Variants in TAFA2 observed in about 807,000 individuals in gnomAD.
The protein encoded by TAFA2 is TAFA chemokine like family member 2, also known as chemokine-like protein TAFA-2.
A neutral mutation model predicts 18.8 loss-of-function variants in TAFA2; 7 were observed. The observed-to-expected ratio is 0.37, with a 90% CI of 0.21 to 0.70. TAFA2 has a LOEUF of 0.70. Among genes scored for constraint, TAFA2 ranks in the 30% least tolerant of loss-of-function variants. The pLI is 0.53. For synonymous variants in TAFA2, 60 were observed against 54.2 expected (o/e 1.11, Z -0.47); for missense variants, 122 against 158.1 (o/e 0.77, Z 1.23).
intron 1 of TAFA2, among the ~76,000 whole-genome samples, chr12:61,997,768 G>C (rs1880247615): frequency 6.6e-6 from 1 of 151,848 alleles, no homozygotes; most frequent in Admixed American, 6.6e-5. Flanking sequence ...AAAAAGTGGA[G>C]GGACCTGTTA....
chr12:61,957,954 T>C (rs1440726), intron 1 of TAFA2, among the ~76,000 whole-genome samples: 342 of 152,188 alleles, frequency 2.2e-3, no homozygotes, highest in African/African-American at 7.0e-3. Flanking sequence ...TGTGGAGCCA[T>C]TGACACAACC....
rs892557812 is a variant in TAFA2 at position 61,955,271 on chromosome 12, T to C, written c.-1-87845A>G. ...AAAACTAAAGCACCATATTATCCTG[T>C]TTACCTTCACAGAATAGGTGCTAGA... On this transcript the variant is annotated intron_variant, in intron 1 of 4. Coordinates refer to ENST00000416284, the MANE Select transcript of TAFA2 (RefSeq NM_178539.5). Among the ~76,000 whole-genome samples, 10 of 152,086 alleles carry C rather than the reference T, an allele frequency of 6.6e-5. No homozygotes were observed. The East Asian group carries it at 1.7e-3, about 27-fold the overall frequency.
At chr12:61,927,069 G>GAAAAAAAAAAAAAAAAAAA (rs56908081) in intron 1 of TAFA2, among the ~76,000 whole-genome samples, 2 of 69,908 alleles carry the variant, frequency 2.9e-5, no homozygotes, top group Non-Finnish European at 5.2e-5. Context: ...GTGAGACTCT[G>GAAAAAAAAAAAAAAAAAAA]AAAAAAAAAA....
At chr12:61,976,717 C>T (rs1283276922) in intron 1 of TAFA2, among the ~76,000 whole-genome samples, 1 of 151,926 alleles carries the variant, frequency 6.6e-6, no homozygotes, top group Admixed American at 6.6e-5. Flanking sequence ...TGTGATGTTC[C>T]CTACCCTCTG....
chr12:61,709,031 T>C lies in TAFA2; in HGVS notation c.*1375A>G, dbSNP rs1432483023. 3.3e-5 allele frequency: 5 copies of C among 152,586 alleles called. No individual in the cohort carries two copies. Among genetic ancestry groups the C allele is most frequent in the Admixed American group, 1.3e-4 (2 of 15,242 alleles). 9.5% of individuals were successfully genotyped at this position (152,586 alleles called of 1,614,324 possible). A position where few individuals can be genotyped will look rare whatever the true frequency, so the allele number is the denominator to read the frequency against. On this transcript the variant is annotated 3_prime_UTR_variant, in exon 5 of 5. Coordinates refer to ENST00000416284, the MANE Select transcript of TAFA2 (RefSeq NM_178539.5). ...TAAAATGAGTAAAACACAGAAATCCTTCTCCTTGCATTCCTTCAAACTATA... is the reference window on the plus strand; with the variant it reads ...TAAAATGAGTAAAACACAGAAATCCCTCTCCTTGCATTCCTTCAAACTATA...
intron 1 of TAFA2, among the ~76,000 whole-genome samples, chr12:61,933,055 A>T (rs1467756520): frequency 1.3e-5 from 2 of 152,192 alleles, no homozygotes; most frequent in South Asian, 4.1e-4. Context: ...GTTATTATCC[A>T]GTTTTCCCCC....
At chr12:61,754,767 T>TA (rs1869183333) in intron 3 of TAFA2, 105 bp downstream of exon 3, 1 of 1,104,198 alleles carries the variant, frequency 9.1e-7, no homozygotes, top group East Asian at 2.5e-5. Context: ...GTATTTGTAG[T>TA]ATGTTCACCC....
chr12:61,997,653 C>G (rs772657395), intron 1 of TAFA2, among the ~76,000 whole-genome samples: 7 of 151,892 alleles, frequency 4.6e-5, no homozygotes, highest in Non-Finnish European at 1.0e-4. Flanking sequence ...AAGAGAGGAA[C>G]CAAGGAGATC....
At chr12:61,870,057 T>C (rs1874532217) in intron 1 of TAFA2, among the ~76,000 whole-genome samples, 1 of 152,166 alleles carries the variant, frequency 6.6e-6, no homozygotes, top group Non-Finnish European at 1.5e-5. Flanking sequence ...GTCAAACTGA[T>C]AACTAGACAT....
chr12:62,225,651 T>A (rs1168894955), intron 1 of TAFA2, among the ~76,000 whole-genome samples: 1 of 151,404 alleles, frequency 6.6e-6, no homozygotes, highest in African/African-American at 2.4e-5. Context: ...AGAAAAAAAA[T>A]GGAAAACAGA....
At chr12:62,190,056 T>C (rs1178609210) in intron 1 of TAFA2, among the ~76,000 whole-genome samples, 2 of 151,856 alleles carry the variant, frequency 1.3e-5, no homozygotes, top group African/African-American at 2.4e-5. Flanking sequence ...CACAAAAAGA[T>C]AATTTTTTCC....
At chr12:62,034,162 G>C (rs1237335108) in intron 1 of TAFA2, among the ~76,000 whole-genome samples, 1 of 152,150 alleles carries the variant, frequency 6.6e-6, no homozygotes, top group Non-Finnish European at 1.5e-5. Flanking sequence ...GCGGTGATTT[G>C]ATGCCTTTTA....
chr12:61,900,988 G>T (rs541724287), intron 1 of TAFA2, among the ~76,000 whole-genome samples: 1 of 151,886 alleles, frequency 6.6e-6, no homozygotes, highest in Non-Finnish European at 1.5e-5. Context: ...TCATTAAATT[G>T]GCCAATCCAT....
chr12:61,807,244 C>A (rs1198759319), intron 2 of TAFA2, among the ~76,000 whole-genome samples: 2 of 151,388 alleles, frequency 1.3e-5, no homozygotes, highest in Non-Finnish European at 2.9e-5. Flanking sequence ...CCAGCCGTGG[C>A]TGAAATGCGC....
intron 2 of TAFA2, among the ~76,000 whole-genome samples, chr12:61,843,195 C>G (rs1303985720): frequency 6.6e-6 from 1 of 152,056 alleles, no homozygotes; most frequent in Non-Finnish European, 1.5e-5. Flanking sequence ...AAAGTTATTT[C>G]AGATGGTCCT....
At chr12:62,021,916 T>A in intron 1 of TAFA2, 2 of 740,464 alleles carry the variant, frequency 2.7e-6, no homozygotes, top group South Asian at 2.7e-5. Context: ...GGCCCCACTC[T>A]CCATGATGAA....
intron 1 of TAFA2, among the ~76,000 whole-genome samples, chr12:62,027,579 T>G (rs1881342125): frequency 6.6e-6 from 1 of 152,184 alleles, no homozygotes; most frequent in African/African-American, 2.4e-5. Flanking sequence ...ATTTTTTTCT[T>G]GCACAGAACA....
chr12:62,165,883 A>T (rs2062435036), intron 1 of TAFA2, among the ~76,000 whole-genome samples: 1 of 151,394 alleles, frequency 6.6e-6, no homozygotes, highest in African/African-American at 2.4e-5. Flanking sequence ...ACATGTTGCC[A>T]GTTTAAACTT....
At chr12:61,736,709 A>G (rs1868310283) in intron 4 of TAFA2, among the ~76,000 whole-genome samples, 1 of 152,006 alleles carries the variant, frequency 6.6e-6, no homozygotes, top group South Asian at 2.1e-4. Flanking sequence ...TGGACAATAA[A>G]TTATATCATC....
Sources: allele counts gnomAD v4.1 joint callset (sites outside exome capture counted in the v4.1 genomes callset), GRCh38; gene constraint gnomAD v4.1.1; transcripts MANE v1.5; gene names NCBI Gene and HGNC (gene_info 2026-07-23, HGNC 2026-07-21).